The following NRCAM variants were observed in gnomAD, a reference collection of about 807,000 sequenced individuals.
NRCAM encodes the protein NgCAM-related cell adhesion molecule.
Under a neutral mutation model 156.5 loss-of-function variants are expected in NRCAM, and 83 were observed. The ratio of observed to expected loss-of-function variants is 0.53; its 90% confidence interval spans 0.44 to 0.64. The LOEUF (loss-of-function observed/expected upper bound fraction) is 0.64, where lower values mean the gene tolerates loss of function less well. NRCAM is among the 30% of genes least tolerant of loss of function. The pLI is 0.00. For synonymous variants in NRCAM, 538 were observed against 563.9 expected (o/e 0.95, Z 0.65); for missense variants, 1,417 against 1,597.3 (o/e 0.89, Z 1.92).
Position 108,405,557 on chromosome 7 carries a change from T to C in NRCAM, c.-331-5964A>G, listed in dbSNP as rs1563660095. Among the ~76,000 whole-genome samples the C allele has an allele frequency of 2.0e-5, 3 of 152,226 alleles. No individual in the cohort carries two copies. In the South Asian group the frequency reaches 6.2e-4, roughly 31 times the overall value. On this transcript the variant is annotated intron_variant, in intron 1 of 32. Coordinates refer to ENST00000379028, the MANE Select transcript of NRCAM (RefSeq NM_001037132.4). ...ACCCCAAAGTCAGAGAGCTTGTCCATGTCAGAGATGGCATTTGAACCCAGG... is the reference window on the plus strand; with the variant it reads ...ACCCCAAAGTCAGAGAGCTTGTCCACGTCAGAGATGGCATTTGAACCCAGG...
At chr7:108,356,838 T>A (rs1189948967) in intron 2 of NRCAM, among the ~76,000 whole-genome samples, 1 of 152,184 alleles carries the variant, frequency 6.6e-6, no homozygotes, top group Non-Finnish European at 1.5e-5. Flanking sequence ...AATTCATATG[T>A]TGAAATCCCA....
At chr7:108,331,418 AT>A (rs1419335329) in intron 2 of NRCAM, among the ~76,000 whole-genome samples, 1 of 152,020 alleles carries the variant, frequency 6.6e-6, no homozygotes, top group Non-Finnish European at 1.5e-5. Flanking sequence ...AAAAAAAAAA[AT>A]AGATATAATC....
intron 2 of NRCAM, chr7:108,328,681 A>G (rs1453260031): frequency 6.6e-6 from 1 of 152,220 alleles, no homozygotes. Context: ...CTTCGTATCC[A>G]TTTAGAAGCA....
intron 28 of NRCAM, among the ~76,000 whole-genome samples, chr7:108,168,959 G>A (rs915329875): frequency 1.3e-5 from 2 of 152,166 alleles, no homozygotes; most frequent in Non-Finnish European, 2.9e-5. Context: ...GGGACCCCAG[G>A]TAAGAAATCC....
chr7:108,413,508 A>T (rs1797910436), intron 1 of NRCAM, among the ~76,000 whole-genome samples: 1 of 152,138 alleles, frequency 6.6e-6, no homozygotes, highest in South Asian at 2.1e-4. Flanking sequence ...TTACCACTAT[A>T]GCCTTTGAAA....
chr7:108,191,179 G>T, intron 19 of NRCAM, 75 bp downstream of exon 19: 2 of 1,246,342 alleles, frequency 1.6e-6, no homozygotes, highest in Non-Finnish European at 1.1e-6. Flanking sequence ...ACATAGAAAA[G>T]AAAGTTATGA....
intron 2 of NRCAM, among the ~76,000 whole-genome samples, chr7:108,381,537 T>C (rs1206976790): frequency 6.6e-6 from 1 of 151,762 alleles, no homozygotes; most frequent in Non-Finnish European, 1.5e-5. Context: ...GGTCTTAACA[T>C]TGGCTTTGAC....
At chr7:108,307,962 C>T (rs1211355433) in intron 3 of NRCAM, among the ~76,000 whole-genome samples, 1 of 152,318 alleles carries the variant, frequency 6.6e-6, no homozygotes, top group African/African-American at 2.4e-5. Context: ...GACCTGAACA[C>T]CTGAGGCCTT....
chr7:108,370,357 A>C (rs1423880811), intron 2 of NRCAM, among the ~76,000 whole-genome samples: 2 of 152,136 alleles, frequency 1.3e-5, no homozygotes. Context: ...ACTCTCTCAG[A>C]TCCCTCGGAA....
chr7:108,316,835 T>G (rs1283123783), intron 2 of NRCAM, among the ~76,000 whole-genome samples: 1 of 151,480 alleles, frequency 6.6e-6, no homozygotes, highest in African/African-American at 2.4e-5. Flanking sequence ...CAGTCATGGC[T>G]AGCTGTCTAA....
rs78668989 is a variant in NRCAM at position 108,180,034 on chromosome 7, T to G, written c.2851+189A>C. Among the ~76,000 whole-genome samples the G allele has an allele frequency of 9.2e-5, 14 of 152,338 alleles. No homozygotes were observed. The East Asian group carries it at 2.5e-3, about 27-fold the overall frequency. ...GAGCAGCATTTTGGGTTCTGAAGCC[T>G]TCTATGTACACTTAGGCCCACATAT... is the stretch of plus-strand genomic sequence containing the variant. On this transcript the variant is annotated intron_variant, in intron 25 of 32. Coordinates refer to ENST00000379028, the MANE Select transcript of NRCAM (RefSeq NM_001037132.4).
At chr7:108,245,439 A>T (rs2095843874) in intron 3 of NRCAM, among the ~76,000 whole-genome samples, 1 of 152,170 alleles carries the variant, frequency 6.6e-6, no homozygotes, top group African/African-American at 2.4e-5. Context: ...TGTGAATAGG[A>T]CCCCATGGAC....
At chr7:108,281,375 T>A (rs1269679) in intron 3 of NRCAM, among the ~76,000 whole-genome samples, 135,320 of 152,250 alleles carry the variant, frequency 0.89, 60,263 homozygotes, top group African/African-American at 0.92. Context: ...AAAAGTTCCG[T>A]GTATAGTAGG....
chr7:108,248,843 C>T lies in NRCAM; in HGVS notation c.-106-8673G>A, dbSNP rs181020333. The stretch of plus-strand genomic sequence containing the variant: ...TTAGTGAGCACTAGTATTTCTGCCA[C>T]GGGGAGCATGGCCTATTCACAATCA... On this transcript the variant is annotated intron_variant, in intron 3 of 32. Transcript: ENST00000379028. Among the ~76,000 whole-genome samples the T allele has an allele frequency of 8.5e-5, 13 of 152,216 alleles. No individual in the cohort carries two copies. In the East Asian group the frequency reaches 1.5e-3, roughly 18 times the overall value.
intron 3 of NRCAM, among the ~76,000 whole-genome samples, chr7:108,299,284 T>C (rs769602664): frequency 6.6e-6 from 1 of 151,810 alleles, no homozygotes; most frequent in Non-Finnish European, 1.5e-5. Flanking sequence ...TGAAATCCTG[T>C]GTGAATAAAA....
intron 2 of NRCAM, among the ~76,000 whole-genome samples, chr7:108,323,450 T>C (rs912456724): frequency 1.3e-5 from 2 of 152,228 alleles, no homozygotes; most frequent in Admixed American, 1.3e-4. Flanking sequence ...GAAACATGCC[T>C]ATAAGTGGAT....
intron 1 of NRCAM, among the ~76,000 whole-genome samples, chr7:108,431,786 A>C (rs1825592515): frequency 6.6e-6 from 1 of 152,222 alleles, no homozygotes; most frequent in South Asian, 2.1e-4. Context: ...TGCTGTCTCA[A>C]ACAAATAAAA....
chr7:108,261,467 TTATATTTTATTAATCAACA>T (rs1329379923), intron 3 of NRCAM, among the ~76,000 whole-genome samples: 1 of 152,222 alleles, frequency 6.6e-6, no homozygotes, highest in African/African-American at 2.4e-5. Context: ...CTGTGTCTAT[TTATATTTTATTAATCAACA>T]GATTTTTAGC....
chr7:108,447,310 G>C (rs1405477063), intron 1 of NRCAM, among the ~76,000 whole-genome samples: 1 of 140,984 alleles, frequency 7.1e-6, no homozygotes, highest in African/African-American at 2.6e-5. Flanking sequence ...CTATTGCCCA[G>C]GCTGGAGTGC....
Sources: allele counts gnomAD v4.1 joint callset (sites outside exome capture counted in the v4.1 genomes callset), GRCh38; gene constraint gnomAD v4.1.1; transcripts MANE v1.5; gene names NCBI Gene and HGNC (gene_info 2026-07-23, HGNC 2026-07-21).